The following ZBTB21 variants were observed in gnomAD, a reference collection of about 807,000 sequenced individuals.
ZBTB21 encodes zinc finger and BTB domain-containing protein 21.
ZBTB21 carries 10 observed loss-of-function variants against 39.8 expected under a neutral mutation model. The observed-to-expected ratio is 0.25, with a 90% CI of 0.16 to 0.43. The LOEUF (loss-of-function observed/expected upper bound fraction) is 0.43, where lower values mean the gene tolerates loss of function less well. Ranked by LOEUF, ZBTB21 falls within the 20% of genes least tolerant of loss-of-function variation. The pLI is 1.00. For synonymous variants in ZBTB21, 551 were observed against 498.8 expected (o/e 1.10, Z -1.40); for missense variants, 1,221 against 1,296.3 (o/e 0.94, Z 0.89).
rs540356977 is a variant in ZBTB21 at position 41,987,357 on chromosome 21, G to GA, written c.*3537dup. On this transcript the variant is annotated 3_prime_UTR_variant, in exon 3 of 3. Transcript: ENST00000310826. ...AGTCACATGGGAATGCCACAAGCTG[G>GA]AGTACCCGCTGAGATACACTGAAAG... 2.0e-5 allele frequency: 3 copies of GA among 152,042 alleles called. No homozygotes were observed. The highest frequency in any genetic ancestry group is 4.4e-5 in the Non-Finnish European group (3 of 68,010). 9.4% of individuals were successfully genotyped at this position (152,042 alleles called of 1,614,324 possible). A position where few individuals can be genotyped will look rare whatever the true frequency, so the allele number is the denominator to read the frequency against.
At chr21:42,002,209 C>T (rs1392892150) in intron 2 of ZBTB21, 1 of 152,138 alleles carries the variant, frequency 6.6e-6, no homozygotes, top group African/African-American at 2.4e-5. Flanking sequence ...CACATTAAGG[C>T]CCTTGTTTTT....
rs539547433 is a variant in ZBTB21 at position 41,989,478 on chromosome 21, T to G, written c.*1417A>C. On this transcript the variant is annotated 3_prime_UTR_variant, in exon 3 of 3. Coordinates refer to ENST00000310826, the MANE Select transcript of ZBTB21 (RefSeq NM_001098402.2). ...AATTGGTATTACTTTCTTAAAAGGA[T>G]TTTGTAGTTTCGTTTTTTTAATACA... 1.1e-3 allele frequency: 166 copies of G among 152,200 alleles called. No homozygotes were observed. The highest frequency in any genetic ancestry group is 3.2e-3 in the African/African-American group (132 of 41,546). The allele number at this position is 152,200 out of a possible 1,614,324, so 9.4% of individuals were successfully genotyped here.
In ZBTB21 at chr21:41,986,955, T is replaced by A. The variant is rs945366464; in HGVS notation, c.*3940A>T. 1.2e-4 allele frequency: 19 copies of A among 152,682 alleles called. No individual in the cohort carries two copies. Among genetic ancestry groups the A allele is most frequent in the African/African-American group, 4.6e-4 (19 of 41,470 alleles). 9.5% of individuals were successfully genotyped at this position (152,682 alleles called of 1,614,324 possible). ...TTAACATTAGATAGAAATCCTATTT[T>A]ACCATGAATTTTCAGTTCGAAAAAG... On this transcript the variant is annotated 3_prime_UTR_variant, in exon 3 of 3. Coordinates refer to ENST00000310826, the MANE Select transcript of ZBTB21 (RefSeq NM_001098402.2).
rs145612449 is a variant in ZBTB21, at chr21:41,988,931, T to C, written c.*1964A>G. On this transcript the variant is annotated 3_prime_UTR_variant, in exon 3 of 3. Transcript: ENST00000310826. ...GTAGGTGATGATTACTCAGGGAAAC[T>C]GTCTTCTTTTGAAGTGACAGCTACC... 382 of 152,212 alleles carry C rather than the reference T, an allele frequency of 2.5e-3. 3 individuals carry two copies. The highest frequency in any genetic ancestry group is 8.8e-3 in the African/African-American group (366 of 41,532). 9.4% of individuals were successfully genotyped at this position (152,212 alleles called of 1,614,324 possible).
In ZBTB21 at chr21:41,990,846, C is replaced by G; in HGVS notation, c.*49G>C. On this transcript the variant is annotated 3_prime_UTR_variant, in exon 3 of 3. Coordinates refer to ENST00000310826, the MANE Select transcript of ZBTB21 (RefSeq NM_001098402.2). ...GTTTCTTATGACACATTTCACAATTCAGGTTGAAATCTGGGGACTGCCTCC... is the reference window on the plus strand; with the variant it reads ...GTTTCTTATGACACATTTCACAATTGAGGTTGAAATCTGGGGACTGCCTCC... 5.1e-6 allele frequency: 7 copies of G among 1,385,444 alleles called. No homozygotes were observed. The highest frequency in any genetic ancestry group is 6.6e-6 in the Non-Finnish European group (7 of 1,059,690). 85.8% of individuals were successfully genotyped at this position (1,385,444 alleles called of 1,614,324 possible).
chr21:42,006,788 T>C (rs1601658746), intron 1 of ZBTB21, among the ~76,000 whole-genome samples: 1 of 152,236 alleles, frequency 6.6e-6, no homozygotes, highest in South Asian at 2.1e-4. Context: ...ATGAGGGCTT[T>C]AGGGTGACCC....
intron 2 of ZBTB21, among the ~76,000 whole-genome samples, chr21:41,998,584 C>T (rs759635856): frequency 2.0e-5 from 3 of 152,218 alleles, no homozygotes; most frequent in Non-Finnish European, 2.9e-5. Context: ...CTATCTGTGA[C>T]GGTTTTATCT....
chr21:41,991,634 G>C lies in ZBTB21; in HGVS notation c.2462C>G (p.Thr821Ser). The part of the protein sequence containing the change: ...LPVLDHNGDV[T>S]GSSRPQSQPE... ...CTGGGATTGGGGCCTTGAAGAACCA[G>C]TCACATCACCATTGTGGTCCAAAAC... The change falls in exon 3 of 3, where the codon ACT becomes AGT. Residue 821 changes from threonine to serine, a missense_variant. By Grantham distance (58) the Thr-to-Ser change is moderately conservative (BLOSUM62 1). Transcript: ENST00000310826. This position sits in a 1 kb window ranked among gnomAD's most constrained non-coding sequence, Gnocchi z 4.9. 7 of 1,614,188 alleles carry C rather than the reference G, an allele frequency of 4.3e-6. No individual in the cohort carries two copies. Among genetic ancestry groups the C allele is most frequent in the Non-Finnish European group, 4.2e-6 (5 of 1,180,046 alleles).
At chr21:42,008,555 A>AAAAAAAAG (rs1326226729) in intron 1 of ZBTB21, among the ~76,000 whole-genome samples, 1 of 134,390 alleles carries the variant, frequency 7.4e-6, no homozygotes, top group African/African-American at 2.5e-5. Flanking sequence ...AAAAAAAAAA[A>AAAAAAAAG]AAAAAAAGAA....
rs952528397 is a variant in ZBTB21, at chr21:41,994,598, C to T, written c.-13-490G>A. ...TGGTTGCAAAGCAGGTCTTGTGAGACCCTTGTTTTTATTTTGAGACAGGGT... is the reference window on the plus strand; with the variant it reads ...TGGTTGCAAAGCAGGTCTTGTGAGATCCTTGTTTTTATTTTGAGACAGGGT... On this transcript the variant is annotated intron_variant, in intron 2 of 2. Transcript: ENST00000310826. 1.1e-4 allele frequency among the ~76,000 whole-genome samples: 17 copies of T among 152,154 alleles called. No homozygotes were observed. In the East Asian group the frequency reaches 2.3e-3, roughly 21 times the overall value.
intron 2 of ZBTB21, among the ~76,000 whole-genome samples, chr21:41,995,122 T>G (rs762493908): frequency 2.0e-5 from 3 of 152,174 alleles, no homozygotes; most frequent in Non-Finnish European, 4.4e-5. Flanking sequence ...TACAGTAAAT[T>G]GATACCAGTA....
At chr21:41,997,529 T>C (rs886262299) in intron 2 of ZBTB21, among the ~76,000 whole-genome samples, 11 of 149,940 alleles carry the variant, frequency 7.3e-5, no homozygotes, top group Admixed American at 5.3e-4. Flanking sequence ...TGAGCCAAGA[T>C]TGCGCCACTG....
chr21:41,991,732 G>C lies in ZBTB21; in HGVS notation c.2364C>G (p.Phe788Leu). 1 of 1,614,250 alleles carries C rather than the reference G, an allele frequency of 6.2e-7. No homozygotes were observed. Among genetic ancestry groups the C allele is most frequent in the Non-Finnish European group, 8.5e-7 (1 of 1,180,040 alleles). Residue 788 changes from phenylalanine to leucine, a missense_variant, in exon 3 of 3, where the codon TTC becomes TTG. By Grantham distance (22) the Phe-to-Leu change is conservative. Coordinates refer to ENST00000310826, the MANE Select transcript of ZBTB21 (RefSeq NM_001098402.2). This position sits in a 1 kb window ranked among gnomAD's most constrained non-coding sequence, Gnocchi z 4.9. The part of the protein sequence containing the change: ...LECMRTFKSS[F>L]SIWRHQVEVH... ...CTTCAACCTGGTGCCGCCAGATGCT[G>C]AAAGAGGACTTGAAGGTGCGCATGC...
intron 1 of ZBTB21, among the ~76,000 whole-genome samples, chr21:42,008,615 C>T (rs2065914495): frequency 6.7e-6 from 1 of 150,136 alleles, no homozygotes; most frequent in African/African-American, 2.5e-5. Context: ...TCATTTCCAT[C>T]GAGAGACCTT....
In ZBTB21 at chr21:41,989,327, G is replaced by A. The variant is rs971015007; in HGVS notation, c.*1568C>T. ...TTCCTACCACTGGTATGGAATGTTG[G>A]CAATAAGATTGATGGGTACAGAGTT... On this transcript the variant is annotated 3_prime_UTR_variant, in exon 3 of 3. Coordinates refer to ENST00000310826, the MANE Select transcript of ZBTB21 (RefSeq NM_001098402.2). 6.6e-6 allele frequency: 1 copy of A among 152,036 alleles called. No homozygotes were observed. Among genetic ancestry groups the A allele is most frequent in the Non-Finnish European group, 1.5e-5 (1 of 67,964 alleles). 9.4% of individuals were successfully genotyped at this position (152,036 alleles called of 1,614,324 possible).
At chr21:42,008,540 C>CAAAAAAAAA (rs68176203) in intron 1 of ZBTB21, among the ~76,000 whole-genome samples, 31 of 60,268 alleles carry the variant, frequency 5.1e-4, no homozygotes, top group Admixed American at 8.3e-4. Flanking sequence ...GAAACTCTGT[C>CAAAAAAAAA]AAAAAAAAAA....
At chr21:42,009,064 C>T (rs916302387) in intron 1 of ZBTB21, 1 of 152,176 alleles carries the variant, frequency 6.6e-6, no homozygotes, top group African/African-American at 2.4e-5. Flanking sequence ...TGTGAACAAT[C>T]GCTGGACTAT....
At chr21:42,008,216 G>T (rs1420776977) in intron 1 of ZBTB21, among the ~76,000 whole-genome samples, 1 of 151,722 alleles carries the variant, frequency 6.6e-6, no homozygotes, top group Non-Finnish European at 1.5e-5. Flanking sequence ...AACTAAAACT[G>T]TCCCTTCGGC....
chr21:42,008,368 A>AAAAAAT (rs34519332), intron 1 of ZBTB21, among the ~76,000 whole-genome samples: 1 of 146,780 alleles, frequency 6.8e-6, no homozygotes, highest in African/African-American at 2.5e-5. Flanking sequence ...AAAAAAAAAA[A>AAAAAAT]TTAGCTGGGC....
Sources: gnomAD v4.1 joint callset for allele counts (sites outside exome capture counted in the v4.1 genomes callset) on GRCh38, gnomAD v4.1.1 for gene constraint, Gnocchi (gnomAD v3.1) non-coding constraint, MANE v1.5 for transcripts, NCBI Gene and HGNC (gene_info 2026-07-23, HGNC 2026-07-21) for gene names.